The following TCF7L2 variants were observed in gnomAD, a reference collection of about 807,000 sequenced individuals.
TCF7L2 encodes the protein transcription factor 7-like 2.
A neutral mutation model predicts 77.9 loss-of-function variants in TCF7L2; 23 were observed. The ratio of observed to expected loss-of-function variants is 0.30; its 90% confidence interval spans 0.21 to 0.42. TCF7L2 has a LOEUF of 0.42. Ranked by LOEUF, TCF7L2 falls within the 10% of genes least tolerant of loss-of-function variation. The pLI is 1.00. For missense variants in TCF7L2, 654 were observed against 793.1 expected, an observed-to-expected ratio of 0.82 and a Z score of 2.11; for synonymous variants, 413 against 340.2, an observed-to-expected ratio of 1.21 and a Z score of -2.36.
At chr10:113,102,207 C>G (rs1473319215) in intron 5 of TCF7L2, among the ~76,000 whole-genome samples, 2 of 148,172 alleles carry the variant, frequency 1.3e-5, no homozygotes, top group East Asian at 4.1e-4. Context: ...TGGTTAGGAG[C>G]GTGTGCTCTG....
At chr10:112,953,269 C>T (rs1469770559) in intron 3 of TCF7L2, among the ~76,000 whole-genome samples, 2 of 152,142 alleles carry the variant, frequency 1.3e-5, no homozygotes, top group Non-Finnish European at 2.9e-5. Context: ...GCCCGGCGCC[C>T]AGACATGCTT....
intron 13 of TCF7L2, among the ~76,000 whole-genome samples, chr10:113,163,456 G>A (rs2073523168): frequency 6.6e-6 from 1 of 151,814 alleles, no homozygotes; most frequent in African/African-American, 2.4e-5. Flanking sequence ...TCCTCTCTCT[G>A]TTTTTCTCTG....
chr10:113,153,397 C>T (rs1429747455), intron 11 of TCF7L2, among the ~76,000 whole-genome samples: 1 of 152,254 alleles, frequency 6.6e-6, no homozygotes, highest in Non-Finnish European at 1.5e-5. Flanking sequence ...CAAAACTTGT[C>T]TTAAGGCCGG....
chr10:113,120,174 G>T (rs1591966006), intron 5 of TCF7L2, among the ~76,000 whole-genome samples: 1 of 152,182 alleles, frequency 6.6e-6, no homozygotes, highest in Non-Finnish European at 1.5e-5. Flanking sequence ...GAACTTAAAA[G>T]TTCTTTAACT....
At chr10:112,956,107 A>T (rs2033512782) in intron 3 of TCF7L2, among the ~76,000 whole-genome samples, 1 of 152,122 alleles carries the variant, frequency 6.6e-6, no homozygotes, top group Non-Finnish European at 1.5e-5. Flanking sequence ...CCTGAATCAC[A>T]TTAAAAATGC....
In TCF7L2 at chr10:113,167,563, A is replaced by G. The variant is rs3635; in HGVS notation, c.*1591A>G. ...CTGTTCCGTTTTATGCTCTTATTCCAAGTTCATTTTTAATGGTTTGGAAGC... is the reference window on the plus strand; with the variant it reads ...CTGTTCCGTTTTATGCTCTTATTCCGAGTTCATTTTTAATGGTTTGGAAGC... On this transcript the variant is annotated 3_prime_UTR_variant, in exon 14 of 14. Transcript: ENST00000627217. The G allele has an allele frequency of 6.0e-3, 1,265 of 209,760 alleles. 11 individuals are homozygous for G. Among genetic ancestry groups the G allele is most frequent in the Non-Finnish European group, 9.4e-3 (974 of 103,174 alleles). 13.0% of individuals were successfully genotyped at this position (209,760 alleles called of 1,614,324 possible). A position where few individuals can be genotyped will look rare whatever the true frequency, so the allele number is the denominator to read the frequency against.
chr10:112,951,253 C>G lies in TCF7L2; in HGVS notation c.236C>G (p.Ser79Cys). 6.4e-7 allele frequency: 1 copy of G among 1,567,688 alleles called. No homozygotes were observed. The highest frequency in any genetic ancestry group is 8.6e-7 in the Non-Finnish European group (1 of 1,159,588). The change falls in exon 2 of 14, where the codon TCC (serine) becomes TGC (cysteine). Residue 79 changes from serine to cysteine, a missense_variant. By Grantham distance (112) the Ser-to-Cys change is moderately radical (BLOSUM62 -1). Transcript: ENST00000627217. ...CGCTCCGAAAGTTTCCGAGACAAAT[C>G]CCGGGAAAGTTTGGAAGAAGGTGAG...
intron 4 of TCF7L2, among the ~76,000 whole-genome samples, chr10:112,976,656 A>G (rs2039477280): frequency 1.3e-5 from 2 of 152,254 alleles, no homozygotes; most frequent in East Asian, 3.8e-4. Flanking sequence ...GGTGTATATT[A>G]GAGGTAACAA....
chr10:113,165,869 C>G lies in TCF7L2; in HGVS notation c.1706C>G (p.Ser569Cys), dbSNP rs147059345. Residue 569 changes from serine to cysteine, a missense_variant, in exon 14 of 14, where the codon TCC (serine) becomes TGC (cysteine). Physicochemically the swap from Ser to Cys is moderately radical, Grantham distance 112. This residue lies in a region of TCF7L2 where 272 missense variants were observed against 215.4 expected (regional missense o/e 1.26). Transcript: ENST00000627217. The stretch of plus-strand genomic sequence containing the variant: ...GCCGCTTTGCAGCCTGCCGCCCCCT[C>G]CTCATCAATTGCACAGCCGTCGACT... 17 of 1,607,250 alleles carry G rather than the reference C, an allele frequency of 1.1e-5. No homozygotes were observed. The African/African-American group carries it at 2.0e-4, about 19-fold the overall frequency.
chr10:113,021,565 G>C (rs553828406), intron 4 of TCF7L2, among the ~76,000 whole-genome samples: 1 of 152,268 alleles, frequency 6.6e-6, no homozygotes, highest in South Asian at 2.1e-4. Flanking sequence ...ATTATGATTT[G>C]GGAACAACTC....
At chr10:112,963,098 A>G (rs1405933658) in intron 3 of TCF7L2, among the ~76,000 whole-genome samples, 1 of 152,150 alleles carries the variant, frequency 6.6e-6, no homozygotes, top group Non-Finnish European at 1.5e-5. Context: ...TTATATCTAT[A>G]TATAAATATA....
chr10:113,111,270 T>A (rs981549891), intron 5 of TCF7L2, among the ~76,000 whole-genome samples: 2 of 152,128 alleles, frequency 1.3e-5, no homozygotes, highest in Non-Finnish European at 2.9e-5. Context: ...TAAATAATTA[T>A]CTCCCTCTCT....
At chr10:112,978,532 C>T (rs528287110) in intron 4 of TCF7L2, among the ~76,000 whole-genome samples, 2 of 150,608 alleles carry the variant, frequency 1.3e-5, no homozygotes, top group East Asian at 3.9e-4. Context: ...GTGGTGCGAT[C>T]TCGGCTCAGT....
chr10:113,138,141 C>G (rs1484560664), intron 5 of TCF7L2, among the ~76,000 whole-genome samples: 2 of 152,144 alleles, frequency 1.3e-5, no homozygotes, highest in African/African-American at 4.8e-5. Flanking sequence ...CAGGGACCTG[C>G]CTGGCATGCA....
intron 12 of TCF7L2, 42 bp from the exon 13 acceptor site, chr10:113,158,624 CA>C: frequency 6.2e-7 from 1 of 1,609,608 alleles, no homozygotes; most frequent in Non-Finnish European, 8.5e-7. Context: ...ACAAACAAAA[CA>C]AAAATTTTGA....
intron 4 of TCF7L2, among the ~76,000 whole-genome samples, chr10:112,985,860 T>TG (rs946184768): frequency 1.4e-5 from 2 of 146,608 alleles, no homozygotes; most frequent in Non-Finnish European, 3.0e-5. Context: ...AGCCTGTAGT[T>TG]TGTGTGTGTG....
chr10:113,071,491 T>G (rs1007576137), intron 5 of TCF7L2, among the ~76,000 whole-genome samples: 4 of 152,110 alleles, frequency 2.6e-5, no homozygotes, highest in Admixed American at 2.6e-4. Context: ...CAGGGGAATT[T>G]CAGGAAACCC....
At chr10:113,144,680 C>T (rs985255033) in intron 7 of TCF7L2, among the ~76,000 whole-genome samples, 8 of 152,132 alleles carry the variant, frequency 5.3e-5, no homozygotes, top group African/African-American at 1.9e-4. Flanking sequence ...TAACTGTGAA[C>T]GGTGGGAATG....
At position 113,008,695 on chromosome 10, in the gene TCF7L2, G is replaced by A. The variant is rs188232207; in HGVS notation, c.451-31330G>A. Among the ~76,000 whole-genome samples the A allele has an allele frequency of 1.7e-3, 256 of 152,210 alleles. 2 individuals are homozygous for A. Among genetic ancestry groups the A allele is most frequent in the African/African-American group, 6.0e-3 (250 of 41,530 alleles). On this transcript the variant is annotated intron_variant, in intron 4 of 13. Transcript: ENST00000627217. The stretch of plus-strand genomic sequence containing the variant: ...TTTTAATACACATTAGTATAATCCC[G>A]TAACGGCTAAAGTAACACTTTGTAC...
Sources: allele counts gnomAD v4.1 joint callset (sites outside exome capture counted in the v4.1 genomes callset), GRCh38; gene constraint gnomAD v4.1.1; regional missense constraint gnomAD v4.1.1; transcripts MANE v1.5; gene names NCBI Gene and HGNC (gene_info 2026-07-23, HGNC 2026-07-21).